Variants in EDC3 observed in about 807,000 individuals in gnomAD.
EDC3 encodes enhancer of mRNA decapping 3.
Under a neutral mutation model 41.8 loss-of-function variants are expected in EDC3, and 20 were observed. That is an observed-to-expected ratio of 0.48 (90% CI 0.34 to 0.70). The LOEUF is 0.70. EDC3 is among the 30% of genes least tolerant of loss of function. EDC3 has a pLI of 0.01. For missense variants in EDC3, 444 were observed against 636.8 expected (o/e 0.70, Z 3.26); for synonymous variants, 206 against 243.2 (o/e 0.85, Z 1.42).
intron 3 of EDC3, among the ~76,000 whole-genome samples, chr15:74,669,274 C>T (rs531150550): frequency 1.3e-5 from 2 of 148,340 alleles, no homozygotes; most frequent in East Asian, 2.0e-4. Flanking sequence ...ACCCAGGAGG[C>T]GGAAGTTGCG....
chr15:74,658,216 C>T (rs970171076), intron 3 of EDC3, among the ~76,000 whole-genome samples: 1 of 152,154 alleles, frequency 6.6e-6, no homozygotes. Context: ...AAAGACTGGG[C>T]TCTTCAATTA....
At chr15:74,645,748 C>T (rs867787378) in intron 4 of EDC3, among the ~76,000 whole-genome samples, 91 of 151,308 alleles carry the variant, frequency 6.0e-4, no homozygotes, top group African/African-American at 2.0e-3. Context: ...TGGGTGGCAG[C>T]GCATATCTGT....
intron 3 of EDC3, among the ~76,000 whole-genome samples, chr15:74,668,007 C>A (rs2062696429): frequency 6.6e-6 from 1 of 152,144 alleles, no homozygotes; most frequent in Non-Finnish European, 1.5e-5. Context: ...AAGTTATAAA[C>A]CATGGTGATA....
At chr15:74,673,733 G>C (rs1301884567) in intron 2 of EDC3, among the ~76,000 whole-genome samples, 2 of 151,960 alleles carry the variant, frequency 1.3e-5, no homozygotes, top group Non-Finnish European at 2.9e-5. Flanking sequence ...CCAGCTACTC[G>C]GGAGGCTGAG....
Position 74,656,155 on chromosome 15 carries a change from G to T in EDC3, c.485-87C>A, listed in dbSNP as rs2062546032. On this transcript the variant is annotated intron_variant, in intron 3 of 6. Transcript: ENST00000315127. ...AATACATTAGTCTTTTGTGGAGAGTGTTACAGGAACCAATGTGAAAATGGT... is the reference window on the plus strand; with the variant it reads ...AATACATTAGTCTTTTGTGGAGAGTTTTACAGGAACCAATGTGAAAATGGT... 5.6e-6 allele frequency: 7 copies of T among 1,260,626 alleles called. No individual in the cohort carries two copies. In the South Asian group the frequency reaches 1.0e-4, roughly 18 times the overall value. 78.1% of individuals were successfully genotyped at this position (1,260,626 alleles called of 1,614,324 possible).
At chr15:74,657,319 T>C (rs1332395816) in intron 3 of EDC3, among the ~76,000 whole-genome samples, 1 of 152,264 alleles carries the variant, frequency 6.6e-6, no homozygotes, top group East Asian at 1.9e-4. Context: ...GCGCTCATTC[T>C]GGCTCCTGCA....
intron 4 of EDC3, among the ~76,000 whole-genome samples, chr15:74,652,864 G>T (rs982779097): frequency 2.0e-5 from 3 of 152,104 alleles, no homozygotes; most frequent in Non-Finnish European, 4.4e-5. Flanking sequence ...ACAGGCATGA[G>T]TCACTGCACC....
At chr15:74,651,474 G>A (rs2062480002) in intron 4 of EDC3, among the ~76,000 whole-genome samples, 1 of 152,226 alleles carries the variant, frequency 6.6e-6, no homozygotes, top group Non-Finnish European at 1.5e-5. Context: ...AGCTGGCAAA[G>A]AGTACTGCCA....
At chr15:74,655,573 T>C (rs960934196) in intron 4 of EDC3, among the ~76,000 whole-genome samples, 160 bp downstream of exon 4, 4 of 152,340 alleles carry the variant, frequency 2.6e-5, no homozygotes, top group African/African-American at 7.2e-5. Flanking sequence ...AATGCTGTTA[T>C]TGGCTGCAAT....
At chr15:74,667,613 T>G (rs1042091077) in intron 3 of EDC3, among the ~76,000 whole-genome samples, 9 of 150,710 alleles carry the variant, frequency 6.0e-5, no homozygotes, top group African/African-American at 2.2e-4. Context: ...ATGATTGGAG[T>G]ATGTCAAAGG....
intron 6 of EDC3, 134 bp from the exon 7 acceptor site, chr15:74,633,080 T>G (rs74814207): frequency 0.046 from 45,186 of 978,900 alleles, 1,447 homozygotes; most frequent in East Asian, 0.13. Context: ...AAGGCTGGCC[T>G]TCTTAAAGCT....
At chr15:74,686,526 T>C (rs1567182777) in intron 1 of EDC3, among the ~76,000 whole-genome samples, 1 of 151,634 alleles carries the variant, frequency 6.6e-6, no homozygotes, top group African/African-American at 2.4e-5. Flanking sequence ...GGCTCACTCC[T>C]ATAATCCCAG....
At chr15:74,662,703 T>C (rs1239926182) in intron 3 of EDC3, among the ~76,000 whole-genome samples, 2 of 152,010 alleles carry the variant, frequency 1.3e-5, no homozygotes, top group Non-Finnish European at 2.9e-5. Flanking sequence ...CAATGACTGA[T>C]GAAAATAAGC....
chr15:74,640,724 A>T, intron 4 of EDC3, 105 bp from the exon 5 acceptor site: 1 of 1,422,950 alleles, frequency 7.0e-7, no homozygotes, highest in Non-Finnish European at 9.7e-7. Context: ...TTTACCATGG[A>T]TCACCCCTGG....
intron 4 of EDC3, among the ~76,000 whole-genome samples, chr15:74,653,331 T>C (rs1257065751): frequency 6.6e-6 from 1 of 152,228 alleles, no homozygotes; most frequent in Non-Finnish European, 1.5e-5. Flanking sequence ...TTGCCTTTTT[T>C]GATCCAAACA....
chr15:74,633,924 G>A (rs2062241489), intron 6 of EDC3, among the ~76,000 whole-genome samples: 1 of 152,220 alleles, frequency 6.6e-6, no homozygotes, highest in Non-Finnish European at 1.5e-5. Flanking sequence ...GCTCTCAAGA[G>A]TGAGAGTGGC....
chr15:74,663,357 T>C (rs1019102627), intron 3 of EDC3, among the ~76,000 whole-genome samples: 3 of 152,176 alleles, frequency 2.0e-5, no homozygotes, highest in African/African-American at 7.2e-5. Context: ...GTTGCTTCTC[T>C]AACCACTAGC....
intron 3 of EDC3, among the ~76,000 whole-genome samples, chr15:74,662,220 G>A (rs1413984178): frequency 6.6e-6 from 1 of 152,034 alleles, no homozygotes. Context: ...TTACAACAGT[G>A]TGCGTTACCA....
At chr15:74,681,627 A>G (rs1033355214) in intron 1 of EDC3, among the ~76,000 whole-genome samples, 2 of 152,240 alleles carry the variant, frequency 1.3e-5, no homozygotes, top group South Asian at 2.1e-4. Flanking sequence ...GATTTTTGAC[A>G]AAGTGCAAAA....
Sources: allele counts gnomAD v4.1 joint callset (sites outside exome capture counted in the v4.1 genomes callset), GRCh38; gene constraint gnomAD v4.1.1; transcripts MANE v1.5; gene names NCBI Gene and HGNC (gene_info 2026-07-23, HGNC 2026-07-21).